Variants in ACSL5 observed in about 807,000 individuals in gnomAD.
ACSL5 encodes the protein long-chain-fatty-acid--CoA ligase 5.
In ACSL5, 50 loss-of-function variants were observed where a neutral mutation model predicts 84.9. The observed-to-expected ratio is 0.59, with a 90% CI of 0.47 to 0.75. ACSL5 has a LOEUF of 0.75. Among genes scored for constraint, ACSL5 ranks in the 30% least tolerant of loss-of-function variants. The probability of loss-of-function intolerance (pLI) is 0.00; values close to 1 mark genes in which losing one functional copy is unlikely to be tolerated. For missense variants in ACSL5, 775 were observed against 830.4 expected, an observed-to-expected ratio of 0.93 and a Z score of 0.82; for synonymous variants, 280 against 300.7, an observed-to-expected ratio of 0.93 and a Z score of 0.71.
chr10:112,396,183 C>T (rs1162926617), intron 2 of ACSL5: 1 of 152,226 alleles, frequency 6.6e-6, no homozygotes, highest in East Asian at 1.9e-4. Flanking sequence ...TTTCTTGAAA[C>T]TCCTCCTTTC....
chr10:112,399,321 C>A (rs1843820996), intron 3 of ACSL5, among the ~76,000 whole-genome samples: 1 of 152,138 alleles, frequency 6.6e-6, no homozygotes, highest in South Asian at 2.1e-4. Context: ...GTTAAAGGGT[C>A]AAGGAGATAA....
At chr10:112,400,549 C>T (rs866771515) in intron 3 of ACSL5, among the ~76,000 whole-genome samples, 8 of 151,426 alleles carry the variant, frequency 5.3e-5, no homozygotes, top group South Asian at 2.1e-4. Context: ...GCTGGGATTA[C>T]AGGCACCTGC....
chr10:112,401,787 T>TCTTC (rs1554862689), intron 3 of ACSL5, among the ~76,000 whole-genome samples: 595 of 52,428 alleles, frequency 0.011, 5 homozygotes, highest in African/African-American at 0.041. Flanking sequence ...TCTTTCTTTC[T>TCTTC]CTTTCTTTCT....
intron 13 of ACSL5, among the ~76,000 whole-genome samples, chr10:112,417,238 C>T (rs1844337558): frequency 7.1e-6 from 1 of 140,294 alleles, no homozygotes; most frequent in African/African-American, 2.6e-5. Context: ...TGTGGTGGCT[C>T]ACACCTGTAA....
At position 112,383,423 on chromosome 10, in the gene ACSL5, G is replaced by A. The variant is rs147109594; in HGVS notation, c.-30+9154G>A. The stretch of plus-strand genomic sequence containing the variant: ...CTGGGAAGTTATCAGCAGGCTGTAG[G>A]TCAGGATCTCAGGCCATCCTTCCTT... On this transcript the variant is annotated intron_variant, in intron 1 of 20. Coordinates refer to ENST00000354655, the MANE Select transcript of ACSL5 (RefSeq NM_203379.2). Among the ~76,000 whole-genome samples the A allele has an allele frequency of 2.3e-3, 353 of 152,380 alleles. 3 individuals are homozygous for A. The highest frequency in any genetic ancestry group is 7.4e-3 in the African/African-American group (307 of 41,594).
At chr10:112,401,355 C>T (rs996617955) in intron 3 of ACSL5, among the ~76,000 whole-genome samples, 26 of 152,220 alleles carry the variant, frequency 1.7e-4, no homozygotes, top group Admixed American at 1.1e-3. Flanking sequence ...ACCTTAGGTT[C>T]ACTGAATTAA....
At chr10:112,424,331 T>C (rs1564745288) in intron 17 of ACSL5, 1 of 152,236 alleles carries the variant, frequency 6.6e-6, no homozygotes. Flanking sequence ...AGTGGGAATG[T>C]CACTAGAACT....
Position 112,408,416 on chromosome 10 carries a change from G to C in ACSL5, c.433-6G>C, listed in dbSNP as rs761205377. The C allele has an allele frequency of 1.3e-5, 21 of 1,595,278 alleles. No individual in the cohort carries two copies. The highest frequency in any genetic ancestry group is 1.0e-4 in the Admixed American group (6 of 59,918). ...CCAGTCCTTACTTGAACTTCTCTCT[G>C]TACAGTGGATCATCTCCGAATTGGC... On this transcript the variant is annotated splice_polypyrimidine_tract_variant and splice_region_variant and intron_variant, in intron 5 of 20. Transcript: ENST00000354655.
intron 1 of ACSL5, among the ~76,000 whole-genome samples, chr10:112,379,528 C>A (rs2133559217): frequency 6.6e-6 from 1 of 151,802 alleles, no homozygotes; most frequent in Non-Finnish European, 1.5e-5. Context: ...CGTAATAGAA[C>A]ATCTGATATT....
At chr10:112,391,527 C>G (rs1384163920) in intron 1 of ACSL5, among the ~76,000 whole-genome samples, 2 of 152,118 alleles carry the variant, frequency 1.3e-5, no homozygotes, top group Non-Finnish European at 2.9e-5. Context: ...AATCCCTTGC[C>G]AATATAGGCA....
intron 2 of ACSL5, among the ~76,000 whole-genome samples, chr10:112,396,893 C>A (rs548947211): frequency 1.5e-4 from 23 of 152,318 alleles, no homozygotes; most frequent in African/African-American, 5.3e-4. Context: ...AACGTGATGG[C>A]CCATGTAAAT....
intron 4 of ACSL5, 33 bp downstream of exon 4, chr10:112,404,608 T>C: frequency 6.2e-7 from 1 of 1,604,650 alleles, no homozygotes; most frequent in East Asian, 2.2e-5. Context: ...GACAGATTCT[T>C]TCTAACATAG....
At chr10:112,421,715 TC>T in intron 15 of ACSL5, 50 bp downstream of exon 15, 1 of 1,547,964 alleles carries the variant, frequency 6.5e-7, no homozygotes, top group East Asian at 2.2e-5. Context: ...GGAGAAAGGT[TC>T]TAACTGAACT....
intron 1 of ACSL5, among the ~76,000 whole-genome samples, chr10:112,394,091 C>G (rs1843696795): frequency 1.3e-5 from 2 of 152,202 alleles, no homozygotes; most frequent in South Asian, 4.1e-4. Context: ...AAGTTAGTCT[C>G]TCCTATTAGA....
chr10:112,421,022 A>C (rs767362481), intron 14 of ACSL5, among the ~76,000 whole-genome samples: 9 of 151,818 alleles, frequency 5.9e-5, no homozygotes, highest in Non-Finnish European at 1.3e-4. Flanking sequence ...ATGCCTGGCC[A>C]AAATGCTGCA....
chr10:112,421,533 C>T (rs1844464720), intron 14 of ACSL5, 60 bp from the exon 15 acceptor site: 3 of 1,461,438 alleles, frequency 2.1e-6, no homozygotes, highest in Non-Finnish European at 2.9e-6. Context: ...TTGACCATAG[C>T]ACGTGGCCAG....
chr10:112,406,232 T>C (rs905149933), intron 5 of ACSL5: 2 of 152,118 alleles, frequency 1.3e-5, no homozygotes, highest in African/African-American at 4.8e-5. Flanking sequence ...AAGGTCAGAG[T>C]GTCAGCAGGT....
intron 6 of ACSL5, chr10:112,408,790 T>A (rs1353750840): frequency 8.0e-6 from 3 of 376,860 alleles, no homozygotes; most frequent in Non-Finnish European, 1.5e-5. Context: ...ACAAGACTAC[T>A]CACTCTGAAC....
At chr10:112,390,303 G>C (rs561058318) in intron 1 of ACSL5, among the ~76,000 whole-genome samples, 1 of 152,232 alleles carries the variant, frequency 6.6e-6, no homozygotes, top group Admixed American at 6.5e-5. Context: ...TTAGTCATTA[G>C]AGAAATGCAA....
Sources: gnomAD v4.1 joint callset for allele counts (sites outside exome capture counted in the v4.1 genomes callset) on GRCh38, gnomAD v4.1.1 for gene constraint, MANE v1.5 for transcripts, NCBI Gene and HGNC (gene_info 2026-07-23, HGNC 2026-07-21) for gene names.